Variants in RPRD2 observed in about 807,000 individuals in gnomAD.
RPRD2 encodes regulation of nuclear pre-mRNA domain-containing protein 2.
A neutral mutation model predicts 104.4 loss-of-function variants in RPRD2; 12 were observed. That is an observed-to-expected ratio of 0.11 (90% confidence interval 0.07 to 0.19). The LOEUF is 0.19. RPRD2 is among the 10% of genes least tolerant of loss of function. The pLI is 1.00. For missense variants in RPRD2, 1,543 were observed against 1,790.1 expected, an observed-to-expected ratio of 0.86 and a Z score of 2.49; for synonymous variants, 714 against 684.9, an observed-to-expected ratio of 1.04 and a Z score of -0.66.
rs782096262 is a variant in RPRD2 at position 150,417,934 on chromosome 1, CTTCCT to C, written c.335+226_335+230del. 1.9e-4 allele frequency among the ~76,000 whole-genome samples: 28 copies of C among 145,280 alleles called. No individual in the cohort carries two copies. The South Asian group carries it at 5.5e-3, about 28-fold the overall frequency. On this transcript the variant is annotated intron_variant, in intron 2 of 10. Transcript: ENST00000369068. ...TTTCTCTCTCTCTCTTTCTTTCTTT[CTTCCT>C]TTCCTTTCCTTTCCTTCCTTTCTTT...
intron 7 of RPRD2, among the ~76,000 whole-genome samples, chr1:150,447,532 C>T (rs1666867096): frequency 6.6e-6 from 1 of 151,502 alleles, no homozygotes; most frequent in Non-Finnish European, 1.5e-5. Context: ...TGGGGTTTCT[C>T]CATGTTGGTC....
chr1:150,422,397 C>G (rs1253671036), intron 2 of RPRD2, among the ~76,000 whole-genome samples: 1 of 107,522 alleles, frequency 9.3e-6, no homozygotes, highest in African/African-American at 2.8e-5. Context: ...AAATAAAACT[C>G]TTATTCACAA....
rs1668769225 is a variant in RPRD2 at position 150,474,028 on chromosome 1, GA to G, written c.*696del. The G allele has an allele frequency of 1.3e-5, 2 of 152,168 alleles. No homozygotes were observed. Among genetic ancestry groups the G allele is most frequent in the African/African-American group, 4.8e-5 (2 of 41,424 alleles). 9.4% of individuals were successfully genotyped at this position (152,168 alleles called of 1,614,324 possible). On this transcript the variant is annotated 3_prime_UTR_variant, in exon 11 of 11. Coordinates refer to ENST00000369068, the MANE Select transcript of RPRD2 (RefSeq NM_015203.5). ...ACTACAGTATGTAAAATAAGGAAAG[GA>G]AGCATTAATGGTGTGATGTGACCTG...
intron 7 of RPRD2, among the ~76,000 whole-genome samples, chr1:150,452,498 T>C (rs587677786): frequency 4.6e-5 from 7 of 152,328 alleles, no homozygotes; most frequent in African/African-American, 1.7e-4. Context: ...GTAAATATCT[T>C]GTTCCTTACC....
chr1:150,472,905 G>C lies in RPRD2; in HGVS notation c.3957G>C (p.Gly1319=). Reference sequence around the variant, plus strand: ...CACTGGCAGAGCACGGAGTGGCAGGGGCTGTGGCAGTATTTCCCAAGGACC... The same window carrying C: ...CACTGGCAGAGCACGGAGTGGCAGGCGCTGTGGCAGTATTTCCCAAGGACC... ...APPLAEHGVA[G]AVAVFPKDHS... is the part of the protein sequence containing the mutation. Residue 1319 remains glycine, a synonymous_variant, in exon 11 of 11, where the codon GGG becomes GGC. Coordinates refer to ENST00000369068, the MANE Select transcript of RPRD2 (RefSeq NM_015203.5). The C allele has an allele frequency of 1.9e-6, 3 of 1,613,282 alleles. No individual in the cohort carries two copies. The highest frequency in any genetic ancestry group is 2.5e-6 in the Non-Finnish European group (3 of 1,179,614).
intron 2 of RPRD2, among the ~76,000 whole-genome samples, chr1:150,424,400 C>T (rs1299066841): frequency 6.6e-6 from 1 of 152,072 alleles, no homozygotes; most frequent in Non-Finnish European, 1.5e-5. Flanking sequence ...AGCGATTCTC[C>T]TGCCTCAGCC....
chr1:150,375,372 C>G (rs939436136), intron 1 of RPRD2, among the ~76,000 whole-genome samples: 19 of 152,132 alleles, frequency 1.2e-4, no homozygotes, highest in African/African-American at 4.6e-4. Context: ...ACAAACTTCA[C>G]ATGGTTCTGT....
intron 10 of RPRD2, among the ~76,000 whole-genome samples, chr1:150,467,330 A>C (rs587669496): frequency 2.6e-5 from 4 of 152,110 alleles, no homozygotes; most frequent in Non-Finnish European, 4.4e-5. Flanking sequence ...ATCAGGGACA[A>C]TTTGAGAGTT....
In RPRD2 at chr1:150,464,646, C is replaced by T; in HGVS notation, c.1531C>T (p.Leu511Phe). The change falls in exon 10 of 11, where the codon CTC becomes TTC. Residue 511 changes from leucine (L) to phenylalanine (F), a missense_variant. Around this residue, in one of 4 missense-constraint regions of RPRD2, gnomAD observed 572 missense variants for 787.3 expected, o/e 0.73. Coordinates refer to ENST00000369068, the MANE Select transcript of RPRD2 (RefSeq NM_015203.5). Reference sequence around the variant, plus strand: ...ATCTCACAACCCTCTGGCAAATATCCTCTCCAAGGTGGAGATCACCCCAGA... The same window carrying T: ...ATCTCACAACCCTCTGGCAAATATCTTCTCCAAGGTGGAGATCACCCCAGA... Reference protein sequence around the residue: ...TTSHNPLANILSKVEITPESI... With the variant: ...TTSHNPLANIFSKVEITPESI... 1.2e-6 allele frequency: 2 copies of T among 1,612,860 alleles called. No individual in the cohort carries two copies. The highest frequency in any genetic ancestry group is 1.7e-6 in the Non-Finnish European group (2 of 1,179,432).
rs587745257 is a variant in RPRD2 at position 150,381,129 on chromosome 1, A to G, written c.205+16210A>G. ...CTAGAAGAAGGCATGGAACATAGAA[A>G]GTGCTGTAATTGTCAGGGTGTGCTG... On this transcript the variant is annotated intron_variant, in intron 1 of 10. Transcript: ENST00000369068. Among the ~76,000 whole-genome samples, 8 of 152,270 alleles carry G rather than the reference A, an allele frequency of 5.3e-5. No individual in the cohort carries two copies. The South Asian group carries it at 1.5e-3, about 28-fold the overall frequency.
chr1:150,416,057 A>G (rs2102271494), intron 1 of RPRD2, among the ~76,000 whole-genome samples: 1 of 152,286 alleles, frequency 6.6e-6, no homozygotes. Context: ...CCAGGTGAAG[A>G]AGGAGACTTT....
At chr1:150,384,897 G>A (rs930903633) in intron 1 of RPRD2, among the ~76,000 whole-genome samples, 2 of 151,968 alleles carry the variant, frequency 1.3e-5, no homozygotes, top group East Asian at 3.9e-4. Flanking sequence ...GGCGTGTGAA[G>A]TCCCAGCTAG....
chr1:150,464,850 C>CTTTTTATT (rs1553899599), intron 10 of RPRD2, 123 bp downstream of exon 10: 2 of 479,584 alleles, frequency 4.2e-6, no homozygotes, highest in African/African-American at 4.0e-5. Context: ...ATTCATTATT[C>CTTTTTATT]TTTTTATTTA....
chr1:150,417,171 C>G (rs587657009), intron 1 of RPRD2, among the ~76,000 whole-genome samples: 2 of 124,072 alleles, frequency 1.6e-5, no homozygotes, highest in Non-Finnish European at 4.0e-5. Context: ...ATGTTCAACT[C>G]ATTTTTTTTT....
chr1:150,428,873 C>T (rs145445099), intron 2 of RPRD2, among the ~76,000 whole-genome samples: 1 of 152,212 alleles, frequency 6.6e-6, no homozygotes, highest in East Asian at 1.9e-4. Flanking sequence ...CTAGTACCTT[C>T]CTGTTATAAG....
At chr1:150,432,928 G>A (rs587657515) in intron 2 of RPRD2, among the ~76,000 whole-genome samples, 1 of 152,234 alleles carries the variant, frequency 6.6e-6, no homozygotes, top group East Asian at 1.9e-4. Flanking sequence ...AGTGAGCCGA[G>A]ATTGCACCAC....
At chr1:150,399,391 G>A (rs1343605448) in intron 1 of RPRD2, among the ~76,000 whole-genome samples, 1 of 152,160 alleles carries the variant, frequency 6.6e-6, no homozygotes, top group African/African-American at 2.4e-5. Flanking sequence ...GTATCCAATT[G>A]TTCGAGCACC....
intron 7 of RPRD2, among the ~76,000 whole-genome samples, chr1:150,446,748 CA>C (rs1197735222): frequency 2.7e-5 from 4 of 146,670 alleles, no homozygotes; most frequent in African/African-American, 5.0e-5. Flanking sequence ...AGACCCGTCT[CA>C]AAAAAAATAG....
chr1:150,453,104 T>C (rs11581786), intron 7 of RPRD2, among the ~76,000 whole-genome samples: 90,070 of 150,100 alleles, frequency 0.6, 27,534 homozygotes, highest in African/African-American at 0.65. Flanking sequence ...ACAATCTTGG[T>C]TCACTGCAAC....
Sources: gnomAD v4.1 joint callset for allele counts (sites outside exome capture counted in the v4.1 genomes callset) on GRCh38, gnomAD v4.1.1 for gene constraint, gnomAD v4.1.1 regional missense constraint, MANE v1.5 for transcripts, NCBI Gene and HGNC (gene_info 2026-07-23, HGNC 2026-07-21) for gene names.